The following PFDN1 variants were observed in gnomAD, a reference collection of about 807,000 sequenced individuals.
PFDN1 encodes prefoldin subunit 1.
PFDN1 carries 6 observed loss-of-function variants against 17.3 expected under a neutral mutation model. The ratio of observed to expected loss-of-function variants is 0.35; its 90% CI spans 0.19 to 0.69. The LOEUF (loss-of-function observed/expected upper bound fraction) is 0.69, where lower values mean the gene tolerates loss of function less well. PFDN1 is among the 30% of genes least tolerant of loss of function. The pLI, the probability that PFDN1 is intolerant of heterozygous loss-of-function variation, is 0.65. For synonymous variants in PFDN1, 58 were observed against 50.1 expected (o/e 1.16, Z -0.67); for missense variants, 113 against 146.2 (o/e 0.77, Z 1.17).
At chr5:140,284,114 T>C (rs1452098957) in intron 2 of PFDN1, among the ~76,000 whole-genome samples, 1 of 152,164 alleles carries the variant, frequency 6.6e-6, no homozygotes, top group Non-Finnish European at 1.5e-5. Context: ...ATAAAATTAC[T>C]AGAAAGCAAG....
intron 2 of PFDN1, among the ~76,000 whole-genome samples, chr5:140,291,808 T>C (rs1259579495): frequency 6.6e-6 from 1 of 152,120 alleles, no homozygotes; most frequent in African/African-American, 2.4e-5. Context: ...AGTGGTGTCC[T>C]GCAAGCCAAG....
chr5:140,281,800 G>A (rs563335620), intron 2 of PFDN1: 10 of 306,602 alleles, frequency 3.3e-5, no homozygotes, highest in Non-Finnish European at 5.5e-5. Context: ...ATACTCAGGA[G>A]GCTGAGGTGG....
At chr5:140,298,901 C>T (rs796795532) in intron 2 of PFDN1, among the ~76,000 whole-genome samples, 1 of 152,134 alleles carries the variant, frequency 6.6e-6, no homozygotes, top group African/African-American at 2.4e-5. Flanking sequence ...CAGGTGTGCG[C>T]CACCATGCCT....
intron 2 of PFDN1, among the ~76,000 whole-genome samples, chr5:140,292,124 G>A (rs1765590364): frequency 6.6e-6 from 1 of 152,046 alleles, no homozygotes; most frequent in Admixed American, 6.6e-5. Context: ...TAAGTATTCT[G>A]GTAAGTAAGC....
chr5:140,268,090 C>T (rs1765158438), intron 3 of PFDN1, among the ~76,000 whole-genome samples: 3 of 152,260 alleles, frequency 2.0e-5, no homozygotes, highest in South Asian at 2.1e-4. Flanking sequence ...TCAAATATTT[C>T]GATTATGCTG....
At chr5:140,288,290 G>A (rs1398007628) in intron 2 of PFDN1, among the ~76,000 whole-genome samples, 1 of 152,168 alleles carries the variant, frequency 6.6e-6, no homozygotes, top group African/African-American at 2.4e-5. Context: ...TTGCTAAGTC[G>A]AAGAAACCAG....
At chr5:140,286,464 T>C (rs1330229075) in intron 2 of PFDN1, among the ~76,000 whole-genome samples, 1 of 150,398 alleles carries the variant, frequency 6.6e-6, no homozygotes, top group Non-Finnish European at 1.5e-5. Context: ...TGTCATTCCA[T>C]TTTCAAGATG....
chr5:140,295,104 T>C (rs996843760), intron 2 of PFDN1, among the ~76,000 whole-genome samples: 3 of 151,998 alleles, frequency 2.0e-5, no homozygotes, highest in African/African-American at 7.2e-5. Flanking sequence ...AAAAGAAATG[T>C]TATTTATGTA....
At chr5:140,289,271 A>G (rs566498897) in intron 2 of PFDN1, among the ~76,000 whole-genome samples, 1 of 144,142 alleles carries the variant, frequency 6.9e-6, no homozygotes, top group South Asian at 2.2e-4. Flanking sequence ...TGGGAGAAGG[A>G]AAAAAAAAAA....
At chr5:140,283,481 C>T (rs1352404377) in intron 2 of PFDN1, among the ~76,000 whole-genome samples, 1 of 152,210 alleles carries the variant, frequency 6.6e-6, no homozygotes, top group African/African-American at 2.4e-5. Flanking sequence ...GATCTGCCCG[C>T]CTCGGCCTCC....
Position 140,246,052 on chromosome 5 carries a change from T to C in PFDN1, c.291A>G (p.Lys97=), listed in dbSNP as rs758841417. 2.3e-5 allele frequency: 35 copies of C among 1,553,532 alleles called. 1 individual carries two copies. The South Asian group carries it at 3.4e-4, about 15-fold the overall frequency. The part of the protein sequence containing the change: ...AEEKIKELEQ[K]KSYLERSVKE... ...TAACGCTTCGCTCCAGGTAGGACTT[T>C]TTCTGCTGCAATATGAGAGACAGAC... is the stretch of plus-strand genomic sequence containing the variant. Residue 97 remains lysine (K), a synonymous_variant, in exon 4 of 4, where the codon AAA becomes AAG. Coordinates refer to ENST00000261813, the MANE Select transcript of PFDN1 (RefSeq NM_002622.5).
At chr5:140,285,153 AT>A (rs1196995703) in intron 2 of PFDN1, among the ~76,000 whole-genome samples, 1 of 152,168 alleles carries the variant, frequency 6.6e-6, no homozygotes, top group African/African-American at 2.4e-5. Context: ...TGGGTGGGAA[AT>A]TTTTAGAGGG....
intron 1 of PFDN1, among the ~76,000 whole-genome samples, chr5:140,302,448 T>C (rs932785698): frequency 1.3e-5 from 2 of 152,232 alleles, no homozygotes; most frequent in Admixed American, 1.3e-4. Context: ...TGTTTTGTTT[T>C]TGACAATTCC....
chr5:140,288,854 C>G (rs952292671), intron 2 of PFDN1, among the ~76,000 whole-genome samples: 2 of 152,008 alleles, frequency 1.3e-5, no homozygotes, highest in Non-Finnish European at 2.9e-5. Context: ...GACATGGTGG[C>G]GGGTACCTGT....
intron 3 of PFDN1, among the ~76,000 whole-genome samples, chr5:140,275,463 C>T (rs1318193179): frequency 6.6e-6 from 1 of 151,312 alleles, no homozygotes; most frequent in African/African-American, 2.4e-5. Context: ...AGGAATATGA[C>T]TCCCTATCAA....
At chr5:140,295,019 C>T (rs984565660) in intron 2 of PFDN1, among the ~76,000 whole-genome samples, 1 of 151,564 alleles carries the variant, frequency 6.6e-6, no homozygotes, top group Non-Finnish European at 1.5e-5. Flanking sequence ...TAAAAAGGCA[C>T]TAATTGTTCT....
At chr5:140,271,991 A>G (rs367651774) in intron 3 of PFDN1, among the ~76,000 whole-genome samples, 5 of 147,750 alleles carry the variant, frequency 3.4e-5, no homozygotes, top group East Asian at 2.0e-4. Context: ...ATATTTATAT[A>G]CATAAGATAT....
At chr5:140,283,224 C>T (rs1765435984) in intron 2 of PFDN1, among the ~76,000 whole-genome samples, 1 of 152,122 alleles carries the variant, frequency 6.6e-6, no homozygotes, top group African/African-American at 2.4e-5. Flanking sequence ...TATCCTAATG[C>T]GGCCAGCCCA....
At position 140,281,499 on chromosome 5, in the gene PFDN1, G is replaced by T; in HGVS notation, c.235C>A (p.Gln79Lys). ...ILQSKEAIHSQLLEKQKIAEE... is the reference protein window; with the variant it reads ...ILQSKEAIHSKLLEKQKIAEE... ...GCTATTTTCTGCTTCTCTAACAGCTGACTGTGAATTGCTTCCTTGGACTGA... is the reference window on the plus strand; with the variant it reads ...GCTATTTTCTGCTTCTCTAACAGCTTACTGTGAATTGCTTCCTTGGACTGA... The change falls in exon 3 of 4, where the codon CAG becomes AAG. Residue 79 changes from glutamine to lysine, a missense_variant. Physicochemically the swap from Gln to Lys is moderately conservative, Grantham distance 53. Coordinates refer to ENST00000261813, the MANE Select transcript of PFDN1 (RefSeq NM_002622.5). 1.9e-6 allele frequency: 3 copies of T among 1,596,192 alleles called. No homozygotes were observed. The highest frequency in any genetic ancestry group is 2.2e-5 in the South Asian group (2 of 90,652).
Sources: allele counts gnomAD v4.1 joint callset (sites outside exome capture counted in the v4.1 genomes callset), GRCh38; gene constraint gnomAD v4.1.1; transcripts MANE v1.5; gene names NCBI Gene and HGNC (gene_info 2026-07-23, HGNC 2026-07-21).